AK8: variants seen among roughly 807,000 people sequenced by gnomAD.
AK8 encodes adenylate kinase 8.
In AK8, 44 loss-of-function variants were observed where a neutral mutation model predicts 54.6. That is an observed-to-expected ratio of 0.81 (90% CI 0.63 to 1.04). The LOEUF (loss-of-function observed/expected upper bound fraction) is 1.04, where lower values mean the gene tolerates loss of function less well. AK8 is among the 50% of genes least tolerant of loss of function. The probability of loss-of-function intolerance (pLI) is 0.00; values close to 1 mark genes in which losing one functional copy is unlikely to be tolerated. For missense variants in AK8, 555 were observed against 613.6 expected (o/e 0.90, Z 1.01); for synonymous variants, 239 against 245.6 (o/e 0.97, Z 0.25).
intron 11 of AK8, among the ~76,000 whole-genome samples, chr9:132,740,711 A>ACC (rs139551614): frequency 0.01 from 1,515 of 150,752 alleles, 14 homozygotes; most frequent in African/African-American, 0.029. Flanking sequence ...AGAGCTGAGC[A>ACC]CCCCCCCGCC....
At chr9:132,853,685 T>C (rs1588215779) in intron 5 of AK8, among the ~76,000 whole-genome samples, 1 of 136,690 alleles carries the variant, frequency 7.3e-6, no homozygotes, top group African/African-American at 2.7e-5. Context: ...ACTGGGGAGG[T>C]TGAGGCGAGA....
chr9:132,734,980 G>A (rs555445039), intron 11 of AK8, among the ~76,000 whole-genome samples: 1 of 151,870 alleles, frequency 6.6e-6, no homozygotes, highest in African/African-American at 2.4e-5. Context: ...GCAGTGAGTG[G>A]AGATCGCGCC....
chr9:132,807,581 C>G (rs376402242), intron 10 of AK8, among the ~76,000 whole-genome samples: 2 of 152,152 alleles, frequency 1.3e-5, no homozygotes, highest in African/African-American at 2.4e-5. Context: ...GCTGAAGAGC[C>G]GGCGTTGTAC....
chr9:132,819,412 C>G (rs1341456632), intron 9 of AK8, among the ~76,000 whole-genome samples: 1 of 152,166 alleles, frequency 6.6e-6, no homozygotes, highest in African/African-American at 2.4e-5. Context: ...TAGAACCAAT[C>G]CCCCATGGAT....
intron 11 of AK8, among the ~76,000 whole-genome samples, chr9:132,771,155 C>A (rs1274671449): frequency 1.3e-5 from 2 of 152,216 alleles, no homozygotes; most frequent in Admixed American, 6.5e-5. Flanking sequence ...AGACACTCAG[C>A]CTCTTGGAGC....
rs1031098755 is a variant in AK8, at chr9:132,770,439, C to G, written c.1121+22195G>C. On this transcript the variant is annotated intron_variant, in intron 11 of 12. Coordinates refer to ENST00000298545, the MANE Select transcript of AK8 (RefSeq NM_152572.3). This position sits in a 1 kb window ranked among gnomAD's most constrained non-coding sequence, Gnocchi z 4.3. ...CTCGGAATGAATAAAGAGCCCAGAACGCTGGCTGGGGTAGGGGGTGGGGCA... is the reference window on the plus strand; with the variant it reads ...CTCGGAATGAATAAAGAGCCCAGAAGGCTGGCTGGGGTAGGGGGTGGGGCA... 1.5e-4 allele frequency among the ~76,000 whole-genome samples: 23 copies of G among 151,248 alleles called. No individual in the cohort carries two copies. The East Asian group carries it at 4.0e-3, about 26-fold the overall frequency.
chr9:132,749,427 C>T (rs565772242), intron 11 of AK8, among the ~76,000 whole-genome samples: 16 of 151,914 alleles, frequency 1.1e-4, no homozygotes, highest in Non-Finnish European at 1.6e-4. Context: ...CGAGGCCCCT[C>T]GTAAGGTGTG....
At chr9:132,751,678 C>T (rs774561383) in intron 11 of AK8, among the ~76,000 whole-genome samples, 10 of 151,796 alleles carry the variant, frequency 6.6e-5, no homozygotes, top group South Asian at 2.1e-4. Context: ...CCTTGTGTGA[C>T]GGCTGACGAG....
chr9:132,853,445 A>C (rs1038117171), intron 5 of AK8, among the ~76,000 whole-genome samples: 2 of 152,088 alleles, frequency 1.3e-5, no homozygotes, highest in African/African-American at 2.4e-5. Flanking sequence ...AAAATGATGC[A>C]TTATTTATAA....
intron 5 of AK8, among the ~76,000 whole-genome samples, chr9:132,832,065 A>AG (rs1842126406): frequency 1.4e-5 from 1 of 73,114 alleles, no homozygotes; most frequent in African/African-American, 4.7e-5. Flanking sequence ...TTGTCTCTGA[A>AG]AAAAAAAAAA....
chr9:132,808,887 A>G (rs896667342), intron 10 of AK8, among the ~76,000 whole-genome samples: 1 of 152,158 alleles, frequency 6.6e-6, no homozygotes, highest in African/African-American at 2.4e-5. Context: ...AGTACCCACC[A>G]GGGCAATGAG....
At chr9:132,766,250 A>G (rs1228551095) in intron 11 of AK8, among the ~76,000 whole-genome samples, 1 of 152,120 alleles carries the variant, frequency 6.6e-6, no homozygotes, top group Non-Finnish European at 1.5e-5. Context: ...TAGCTGGAAC[A>G]ACAAATGTGC....
Position 132,866,854 on chromosome 9 carries a change from A to G in AK8, c.219+50T>C, listed in dbSNP as rs960356251. ...AGGTGCAGTCTCATTCCAGCTCTGG[A>G]GGATCAATGAGATATTACAGCATCA... On this transcript the variant is annotated intron_variant, in intron 3 of 12. Transcript: ENST00000298545. 5.7e-6 allele frequency: 9 copies of G among 1,565,608 alleles called. No homozygotes were observed. The African/African-American group carries it at 1.2e-4, about 21-fold the overall frequency.
At chr9:132,757,989 G>T (rs1044849193) in intron 11 of AK8, among the ~76,000 whole-genome samples, 3 of 152,244 alleles carry the variant, frequency 2.0e-5, no homozygotes, top group Non-Finnish European at 4.4e-5. Flanking sequence ...GGCTCTGGGG[G>T]CTGTCCCTCA....
At chr9:132,804,434 G>T (rs940198781) in intron 10 of AK8, among the ~76,000 whole-genome samples, 1 of 152,150 alleles carries the variant, frequency 6.6e-6, no homozygotes, top group Non-Finnish European at 1.5e-5. Flanking sequence ...CCAAAGGCTG[G>T]GGGGAGGTCA....
At chr9:132,789,147 T>C (rs1436337815) in intron 11 of AK8, among the ~76,000 whole-genome samples, 1 of 151,518 alleles carries the variant, frequency 6.6e-6, no homozygotes, top group African/African-American at 2.4e-5. Context: ...TACAAAAAAT[T>C]AGCCAGGCGT....
chr9:132,740,029 C>A (rs1837296373), intron 11 of AK8, among the ~76,000 whole-genome samples: 1 of 152,218 alleles, frequency 6.6e-6, no homozygotes, highest in Admixed American at 6.5e-5. Context: ...TTGCCAATAT[C>A]CCCATCTAGT....
intron 11 of AK8, among the ~76,000 whole-genome samples, chr9:132,741,188 A>T (rs1337374485): frequency 1.3e-5 from 2 of 152,176 alleles, no homozygotes; most frequent in East Asian, 3.9e-4. Flanking sequence ...ACAGGAGCAC[A>T]CTTTAAAAAC....
At chr9:132,741,137 G>A (rs1204855316) in intron 11 of AK8, among the ~76,000 whole-genome samples, 1 of 152,230 alleles carries the variant, frequency 6.6e-6, no homozygotes, top group Admixed American at 6.5e-5. Context: ...CCAGGTCACG[G>A]CACCATCTGC....
Sources: allele counts gnomAD v4.1 joint callset (sites outside exome capture counted in the v4.1 genomes callset), GRCh38; gene constraint gnomAD v4.1.1; non-coding constraint Gnocchi (gnomAD v3.1); transcripts MANE v1.5; gene names NCBI Gene and HGNC (gene_info 2026-07-23, HGNC 2026-07-21).